CDH12: variants seen among roughly 807,000 people sequenced by gnomAD.
CDH12 encodes the protein cadherin 12, also known as cadherin-12.
A neutral mutation model predicts 74.1 loss-of-function variants in CDH12; 41 were observed. That is an observed-to-expected ratio of 0.55 (90% CI 0.43 to 0.72). The LOEUF (loss-of-function observed/expected upper bound fraction) is 0.72. Ranked by LOEUF, CDH12 falls within the 30% of genes least tolerant of loss-of-function variation. The pLI, the probability that CDH12 is intolerant of heterozygous loss-of-function variation, is 0.00. For synonymous variants in CDH12, 399 were observed against 355.0 expected (o/e 1.12, Z -1.39); for missense variants, 945 against 977.2 (o/e 0.97, Z 0.44).
chr5:22,382,250 A>G (rs1741795565), intron 3 of CDH12, among the ~76,000 whole-genome samples: 1 of 146,652 alleles, frequency 6.8e-6, no homozygotes, highest in Non-Finnish European at 1.5e-5. Context: ...AAAATATGTA[A>G]TATTTTTATA....
intron 2 of CDH12, among the ~76,000 whole-genome samples, chr5:22,481,488 T>C (rs1746381947): frequency 6.6e-6 from 1 of 151,988 alleles, no homozygotes; most frequent in African/African-American, 2.4e-5. Flanking sequence ...ATAGAGAAAA[T>C]GTGGCGTATT....
intron 4 of CDH12, among the ~76,000 whole-genome samples, chr5:22,138,664 C>T (rs1344285096): frequency 6.7e-6 from 1 of 150,104 alleles, no homozygotes; most frequent in Admixed American, 6.7e-5. Flanking sequence ...TCAAATAGGT[C>T]TTGAGTCATA....
intron 4 of CDH12, among the ~76,000 whole-genome samples, chr5:22,177,714 C>A (rs1169829007): frequency 1.3e-5 from 2 of 152,004 alleles, no homozygotes; most frequent in Non-Finnish European, 2.9e-5. Flanking sequence ...TGAGGAGAGC[C>A]ACCCACCTAT....
intron 2 of CDH12, among the ~76,000 whole-genome samples, chr5:22,462,002 G>A (rs1402844455): frequency 6.6e-6 from 1 of 151,984 alleles, no homozygotes; most frequent in East Asian, 1.9e-4. Flanking sequence ...TCCAGATGGA[G>A]CAAAGTACCC....
At chr5:21,982,144 A>G (rs1397423303) in intron 5 of CDH12, among the ~76,000 whole-genome samples, 1 of 152,150 alleles carries the variant, frequency 6.6e-6, no homozygotes, top group East Asian at 1.9e-4. Flanking sequence ...TGCCTTCCCT[A>G]ATGTGGATGG....
chr5:22,179,953 G>A (rs930665475), intron 4 of CDH12, among the ~76,000 whole-genome samples: 2 of 152,126 alleles, frequency 1.3e-5, no homozygotes, highest in African/African-American at 4.8e-5. Flanking sequence ...GTAAATTCAC[G>A]GTGACTTCAG....
rs915303053 is a variant in CDH12 at position 22,018,796 on chromosome 5, G to A, written c.232-43411C>T. ...TGTTACGTTCAGAAATGTTGGCCAG[G>A]CACGGTGGCTCATGCCTGTAATCCC... On this transcript the variant is annotated intron_variant, in intron 5 of 14. Coordinates refer to ENST00000382254, the MANE Select transcript of CDH12 (RefSeq NM_004061.5). Among the ~76,000 whole-genome samples, 8 of 152,234 alleles carry A rather than the reference G, an allele frequency of 5.3e-5. No individual in the cohort carries two copies. In the South Asian group the frequency reaches 1.7e-3, roughly 32 times the overall value.
In CDH12 at chr5:22,188,586, T is replaced by G. The variant is rs189182485; in HGVS notation, c.-187+23912A>C. ...AATAAGTATGATTGCTGCAGCTAAA[T>G]CTGACAAACTGTCACCTACCTACAC... On this transcript the variant is annotated intron_variant, in intron 4 of 14. Transcript: ENST00000382254. Among the ~76,000 whole-genome samples, 323 of 152,254 alleles carry G rather than the reference T, an allele frequency of 2.1e-3. 2 individuals carry two copies. Among genetic ancestry groups the G allele is most frequent in the African/African-American group, 7.3e-3 (304 of 41,538 alleles).
rs1747935445 is a variant in CDH12 at position 22,792,050 on chromosome 5, AG to A, written c.-523+61007del. Among the ~76,000 whole-genome samples the A allele has an allele frequency of 2.6e-5, 4 of 151,436 alleles. No individual in the cohort carries two copies. In the South Asian group the frequency reaches 8.3e-4, roughly 32 times the overall value. ...CATAAACAATGGTAATGCCTTTATAAGCACTTTTTTGCAGAAAGGATATCAT... is the reference window on the plus strand; with the variant it reads ...CATAAACAATGGTAATGCCTTTATAACACTTTTTTGCAGAAAGGATATCAT... On this transcript the variant is annotated intron_variant, in intron 1 of 14. Coordinates refer to ENST00000382254, the MANE Select transcript of CDH12 (RefSeq NM_004061.5).
At chr5:22,468,833 C>T (rs1339663562) in intron 2 of CDH12, among the ~76,000 whole-genome samples, 4 of 152,122 alleles carry the variant, frequency 2.6e-5, no homozygotes, top group African/African-American at 4.8e-5. Context: ...TACACACTCC[C>T]ATATCCTCTC....
In CDH12 at chr5:21,802,338, G is replaced by C; in HGVS notation, c.1085C>G (p.Ala362Gly). 1 of 1,613,810 alleles carries C rather than the reference G, an allele frequency of 6.2e-7. No homozygotes were observed. The highest frequency in any genetic ancestry group is 8.5e-7 in the Non-Finnish European group (1 of 1,179,928). Residue 362 changes from alanine (A) to glycine (G), a missense_variant, in exon 10 of 15, where the codon GCG becomes GGG. Physicochemically the swap from Ala to Gly is moderately conservative, Grantham distance 60 (BLOSUM62 0). Transcript: ENST00000382254. ...NLHLDHRFHS[A>G]GPFKDTATVK... ...CGTAGCTGTGTCTTTGAAAGGGCCCGCCGAGTGAAACCGGTGGTCAAGGTG... is the reference window on the plus strand; with the variant it reads ...CGTAGCTGTGTCTTTGAAAGGGCCCCCCGAGTGAAACCGGTGGTCAAGGTG...
At chr5:22,217,589 T>C (rs1218003975) in intron 3 of CDH12, among the ~76,000 whole-genome samples, 1 of 151,720 alleles carries the variant, frequency 6.6e-6, no homozygotes, top group Non-Finnish European at 1.5e-5. Context: ...GGTATGACTA[T>C]GAAGTTCAAG....
chr5:21,830,054 C>A (rs1384775569), intron 8 of CDH12, among the ~76,000 whole-genome samples: 2 of 151,630 alleles, frequency 1.3e-5, no homozygotes. Context: ...CAAAAATTAT[C>A]TGGGTATGTT....
At chr5:22,088,187 T>A (rs1311921504) in intron 4 of CDH12, among the ~76,000 whole-genome samples, 1 of 152,208 alleles carries the variant, frequency 6.6e-6, no homozygotes, top group Non-Finnish European at 1.5e-5. Context: ...AATTATTTAA[T>A]AATTATCATT....
At chr5:22,127,753 C>T (rs1745966405) in intron 4 of CDH12, among the ~76,000 whole-genome samples, 1 of 152,136 alleles carries the variant, frequency 6.6e-6, no homozygotes, top group Non-Finnish European at 1.5e-5. Context: ...TTTGAGGTTG[C>T]TCTCATGTGT....
At chr5:22,209,146 A>T (rs563653232) in intron 4 of CDH12, among the ~76,000 whole-genome samples, 2 of 152,242 alleles carry the variant, frequency 1.3e-5, no homozygotes, top group East Asian at 3.9e-4. Flanking sequence ...CCATCTTAGC[A>T]CATCCTTGGA....
At chr5:21,880,419 C>G (rs905004283) in intron 6 of CDH12, among the ~76,000 whole-genome samples, 1 of 152,092 alleles carries the variant, frequency 6.6e-6, no homozygotes, top group Non-Finnish European at 1.5e-5. Flanking sequence ...CACTGGGGTG[C>G]TCTATATACA....
intron 3 of CDH12, among the ~76,000 whole-genome samples, chr5:22,254,373 G>C (rs1189738339): frequency 6.6e-6 from 1 of 151,828 alleles, no homozygotes; most frequent in Non-Finnish European, 1.5e-5. Flanking sequence ...CCACTAGTAA[G>C]CATATTAATG....
At chr5:22,464,527 T>C (rs1048392481) in intron 2 of CDH12, among the ~76,000 whole-genome samples, 1 of 152,186 alleles carries the variant, frequency 6.6e-6, no homozygotes, top group Non-Finnish European at 1.5e-5. Flanking sequence ...CGGGATCTGA[T>C]TCTTCTGTTA....
Sources: gnomAD v4.1 joint callset for allele counts (sites outside exome capture counted in the v4.1 genomes callset) on GRCh38, gnomAD v4.1.1 for gene constraint, MANE v1.5 for transcripts, NCBI Gene and HGNC (gene_info 2026-07-23, HGNC 2026-07-21) for gene names.